Variants in TXNDC9 observed in about 807,000 individuals in gnomAD.
The protein encoded by TXNDC9 is thioredoxin domain containing 9, also known as thioredoxin domain-containing protein 9.
A neutral mutation model predicts 23.0 loss-of-function variants in TXNDC9; 7 were observed. The observed-to-expected ratio is 0.30, with a 90% CI of 0.17 to 0.57. TXNDC9 has a LOEUF of 0.57. TXNDC9 is among the 20% of genes least tolerant of loss of function. The probability of loss-of-function intolerance (pLI) is 0.90; values close to 1 mark genes in which losing one functional copy is unlikely to be tolerated. For synonymous variants in TXNDC9, 72 were observed against 90.6 expected, an observed-to-expected ratio of 0.79 and a Z score of 1.17; for missense variants, 198 against 252.6, an observed-to-expected ratio of 0.78 and a Z score of 1.47.
chr2:99,328,814 TA>T (rs776666484), intron 2 of TXNDC9, among the ~76,000 whole-genome samples: 444 of 133,666 alleles, frequency 3.3e-3, no homozygotes, highest in Admixed American at 3.6e-3. Context: ...CGTCTCTACT[TA>T]AAAAAAAAAA....
rs574540659 is a variant in TXNDC9 at position 99,328,894 on chromosome 2, CAGG to C, written c.190-1244_190-1242del. On this transcript the variant is annotated intron_variant, in intron 2 of 4. Coordinates refer to ENST00000264255, the MANE Select transcript of TXNDC9 (RefSeq NM_005783.4). ...ATCCCAGCTACTTGGGAGGCTGAGG[CAGG>C]AGAATTGCTTGAACCCAGGAGGCAG... 6.3e-4 allele frequency among the ~76,000 whole-genome samples: 96 copies of C among 152,038 alleles called. 1 individual carries two copies. In the East Asian group the frequency reaches 0.018, roughly 28 times the overall value.
the TXNDC9 span, among the ~76,000 whole-genome samples, chr2:99,311,171 G>A: frequency 1.3e-5 from 2 of 152,148 alleles, no homozygotes; most frequent in Non-Finnish European, 2.9e-5. Flanking sequence ...GACTACAGGT[G>A]TGTGCCACCA....
chr2:99,316,970 A>G (rs560298728), downstream of TXNDC9, among the ~76,000 whole-genome samples: 22 of 152,146 alleles, frequency 1.4e-4, no homozygotes, highest in South Asian at 1.9e-3. Context: ...GTTAGCCAGG[A>G]CGGTCTCGAT....
Position 99,332,513 on chromosome 2 carries a change from C to T in TXNDC9, c.189+509G>A, listed in dbSNP as rs372727820. On this transcript the variant is annotated intron_variant, in intron 2 of 4. Coordinates refer to ENST00000264255, the MANE Select transcript of TXNDC9 (RefSeq NM_005783.4). ...GTTTCAGTCAGAGTTTACAACTCTGCGTTTATTCTACACAAACATTCTAAG... is the reference window on the plus strand; with the variant it reads ...GTTTCAGTCAGAGTTTACAACTCTGTGTTTATTCTACACAAACATTCTAAG... 3.3e-5 allele frequency among the ~76,000 whole-genome samples: 5 copies of T among 152,284 alleles called. No individual in the cohort carries two copies. In the East Asian group the frequency reaches 5.8e-4, roughly 18 times the overall value.
Position 99,319,513 on chromosome 2 carries a change from T to C in TXNDC9, c.*169A>G. The C allele has an allele frequency of 1.9e-6, 1 of 518,490 alleles. No individual in the cohort carries two copies. Among genetic ancestry groups the C allele is most frequent in the Non-Finnish European group, 3.4e-6 (1 of 296,844 alleles). 32.1% of individuals were successfully genotyped at this position (518,490 alleles called of 1,614,324 possible). On this transcript the variant is annotated 3_prime_UTR_variant, in exon 5 of 5. Coordinates refer to ENST00000264255, the MANE Select transcript of TXNDC9 (RefSeq NM_005783.4). The stretch of plus-strand genomic sequence containing the variant: ...AACTGAGTTTTCCTCAACTTAAACA[T>C]GATGGCCACACAGAAAACAGTAAAG...
chr2:99,319,646 GA>G lies in TXNDC9; in HGVS notation c.*35del, dbSNP rs76843435. The G allele has an allele frequency of 2.6e-4, 366 of 1,418,800 alleles. No homozygotes were observed. In the East Asian group the frequency reaches 4.6e-3, roughly 18 times the overall value. 87.9% of individuals were successfully genotyped at this position (1,418,800 alleles called of 1,614,324 possible). ...TAAAAACACATTTAAATCTGAAGCAGAAAAAAAAAGACAATTTACAAAGAAT... is the reference window on the plus strand; with the variant it reads ...TAAAAACACATTTAAATCTGAAGCAGAAAAAAAAGACAATTTACAAAGAAT... On this transcript the variant is annotated 3_prime_UTR_variant, in exon 5 of 5. Transcript: ENST00000264255.
In TXNDC9 at chr2:99,327,577, C is replaced by G; in HGVS notation, c.266G>C (p.Ser89Thr). 6.2e-7 allele frequency: 1 copy of G among 1,613,628 alleles called. No homozygotes were observed. The highest frequency in any genetic ancestry group is 8.5e-7 in the Non-Finnish European group (1 of 1,179,804). Residue 89 changes from serine (S) to threonine (T), a missense_variant, in exon 3 of 5, where the codon AGT (serine) becomes ACT (threonine). Ser to Thr is a moderately conservative substitution (Grantham distance 58). Coordinates refer to ENST00000264255, the MANE Select transcript of TXNDC9 (RefSeq NM_005783.4). ...ERDFFQEVKE[S>T]ENVVCHFYRD... Reference sequence around the variant, plus strand: ...GTAGAAATGGCAAACCACATTTTCACTCTCCTTGACTTCTTGAAAAAAGTC... The same window carrying G: ...GTAGAAATGGCAAACCACATTTTCAGTCTCCTTGACTTCTTGAAAAAAGTC...
intron 2 of TXNDC9, among the ~76,000 whole-genome samples, chr2:99,331,382 C>T (rs1037501146): frequency 6.6e-6 from 1 of 151,820 alleles, no homozygotes; most frequent in East Asian, 1.9e-4. Context: ...TGAGACCAGC[C>T]TGACCAACAT....
At chr2:99,315,311 C>T (rs894249703), downstream of TXNDC9, among the ~76,000 whole-genome samples, 2 of 152,016 alleles carry the variant, frequency 1.3e-5, no homozygotes, top group African/African-American at 2.4e-5. Flanking sequence ...GTGATCTGCC[C>T]GCCTTGGCCT....
intron 2 of TXNDC9, chr2:99,332,666 A>ATCTC (rs992095591): frequency 1.6e-5 from 3 of 184,080 alleles, no homozygotes; most frequent in African/African-American, 7.1e-5. Flanking sequence ...AATTGCTCTT[A>ATCTC]TCTCATCTGT....
chr2:99,331,506 T>A (rs1574909747), intron 2 of TXNDC9, among the ~76,000 whole-genome samples: 1 of 127,472 alleles, frequency 7.8e-6, no homozygotes, highest in Non-Finnish European at 1.6e-5. Context: ...TGAGACTCCC[T>A]CTCAAAAAAA....
chr2:99,306,317 G>A, the TXNDC9 span, among the ~76,000 whole-genome samples: 1 of 152,160 alleles, frequency 6.6e-6, no homozygotes, highest in African/African-American at 2.4e-5. Context: ...AAGTGTGAAC[G>A]TTTTCTTGAA....
chr2:99,330,757 C>G (rs2094222852), intron 2 of TXNDC9, among the ~76,000 whole-genome samples: 1 of 152,214 alleles, frequency 6.6e-6, no homozygotes, highest in African/African-American at 2.4e-5. Context: ...ATACAATGAT[C>G]TCCCCAATAC....
At chr2:99,316,509 T>A (rs889417929), downstream of TXNDC9, among the ~76,000 whole-genome samples, 1 of 152,094 alleles carries the variant, frequency 6.6e-6, no homozygotes, top group Non-Finnish European at 1.5e-5. Context: ...TTTTTTTCTG[T>A]TTTCAAGATT....
the TXNDC9 span, among the ~76,000 whole-genome samples, chr2:99,312,825 T>C: frequency 6.6e-6 from 1 of 152,200 alleles, no homozygotes; most frequent in East Asian, 1.9e-4. Flanking sequence ...TATGCCTTAT[T>C]GCTTTCATAA....
At chr2:99,324,702 A>G (rs533615309) in intron 3 of TXNDC9, among the ~76,000 whole-genome samples, 1 of 150,666 alleles carries the variant, frequency 6.6e-6, no homozygotes, top group African/African-American at 2.4e-5. Context: ...GCCTCCTAAG[A>G]AGCTAGGATT....
chr2:99,308,063 C>T, the TXNDC9 span, among the ~76,000 whole-genome samples: 2 of 152,182 alleles, frequency 1.3e-5, no homozygotes, highest in African/African-American at 2.4e-5. Flanking sequence ...AACAGAGGGG[C>T]CAAGTCTCTC....
In TXNDC9 at chr2:99,333,004, G is replaced by A. The variant is rs747644324; in HGVS notation, c.189+18C>T. The stretch of plus-strand genomic sequence containing the variant: ...CATACTGTTATAGCAATTTCAGAAA[G>A]CAGGGCAGAGAGGTTACTTGTTTCT... On this transcript the variant is annotated intron_variant, in intron 2 of 4. Transcript: ENST00000264255. 24 of 1,596,826 alleles carry A rather than the reference G, an allele frequency of 1.5e-5. No homozygotes were observed. The highest frequency in any genetic ancestry group is 1.9e-5 in the Non-Finnish European group (22 of 1,165,494).
chr2:99,332,336 G>A (rs866955166), intron 2 of TXNDC9, among the ~76,000 whole-genome samples: 2 of 152,210 alleles, frequency 1.3e-5, no homozygotes, highest in East Asian at 1.9e-4. Flanking sequence ...CCAGCTACTC[G>A]GGTGGCTGAG....
Sources: gnomAD v4.1 joint callset for allele counts (sites outside exome capture counted in the v4.1 genomes callset) on GRCh38, gnomAD v4.1.1 for gene constraint, MANE v1.5 for transcripts, NCBI Gene and HGNC (gene_info 2026-07-23, HGNC 2026-07-21) for gene names.